ATP13A4: variants seen among roughly 807,000 people sequenced by gnomAD.
ATP13A4 encodes ATPase 13A4.
ATP13A4 carries 114 observed loss-of-function variants against 142.5 expected under a neutral mutation model. The ratio of observed to expected loss-of-function variants is 0.80; its 90% confidence interval spans 0.69 to 0.93. The LOEUF (loss-of-function observed/expected upper bound fraction) is 0.93. Ranked by LOEUF, ATP13A4 falls within the 40% of genes least tolerant of loss-of-function variation. The pLI is 0.00. For missense variants in ATP13A4, 1,392 were observed against 1,454.0 expected, an observed-to-expected ratio of 0.96 and a Z score of 0.69; for synonymous variants, 488 against 514.8, an observed-to-expected ratio of 0.95 and a Z score of 0.70.
intron 23 of ATP13A4, among the ~76,000 whole-genome samples, chr3:193,436,825 C>G (rs1310518265): frequency 2.0e-5 from 3 of 149,582 alleles, no homozygotes; most frequent in Admixed American, 1.3e-4. Flanking sequence ...ATCCCCGGGG[C>G]CGGGCGCGGT....
chr3:193,515,042 G>C (rs575922733), intron 1 of ATP13A4, among the ~76,000 whole-genome samples, 171 bp from the exon 2 acceptor site: 1 of 152,168 alleles, frequency 6.6e-6, no homozygotes, highest in East Asian at 1.9e-4. Flanking sequence ...ACAAAGAAGT[G>C]TAAGACATGA....
chr3:193,500,473 A>T (rs963576892), intron 3 of ATP13A4, among the ~76,000 whole-genome samples: 2 of 152,162 alleles, frequency 1.3e-5, no homozygotes, highest in East Asian at 3.9e-4. Context: ...GTGGAAGAGA[A>T]TTTTTTCACG....
At chr3:193,576,871 A>G (rs1256976437) in intron 2 of ATP13A4, among the ~76,000 whole-genome samples, 1 of 152,254 alleles carries the variant, frequency 6.6e-6, no homozygotes, top group Non-Finnish European at 1.5e-5. Context: ...CACTGCTGGA[A>G]TAAAGGAAGC....
At chr3:193,411,856 T>G (rs375907858) in intron 27 of ATP13A4, among the ~76,000 whole-genome samples, 133 of 152,284 alleles carry the variant, frequency 8.7e-4, no homozygotes, top group African/African-American at 3.1e-3. Context: ...CTCCACTGTT[T>G]CCAGGGTGAA....
chr3:193,436,973 G>T (rs1406056103), intron 23 of ATP13A4, among the ~76,000 whole-genome samples: 1 of 148,450 alleles, frequency 6.7e-6, no homozygotes, highest in Non-Finnish European at 1.5e-5. Context: ...GCGTGGTGGC[G>T]GGCGCCTGTA....
chr3:193,431,575 C>T (rs1413960341), intron 25 of ATP13A4, among the ~76,000 whole-genome samples: 1 of 151,428 alleles, frequency 6.6e-6, no homozygotes, highest in Non-Finnish European at 1.5e-5. Flanking sequence ...CATTTCTTTT[C>T]AGTAAAGTTA....
chr3:193,452,673 G>A (rs78258001), intron 17 of ATP13A4, among the ~76,000 whole-genome samples: 113 of 148,394 alleles, frequency 7.6e-4, no homozygotes, highest in African/African-American at 2.7e-3. Context: ...TATCCTACTG[G>A]ACATTCATGA....
chr3:193,459,294 A>G (rs1254280381), intron 13 of ATP13A4, 63 bp from the exon 14 acceptor site: 1 of 1,592,570 alleles, frequency 6.3e-7, no homozygotes, highest in East Asian at 2.2e-5. Flanking sequence ...AGCATCTTGG[A>G]GGTGAACAAA....
chr3:193,414,456 AGGG>A, intron 26 of ATP13A4, 120 bp downstream of exon 26: 1 of 1,085,900 alleles, frequency 9.2e-7, no homozygotes, highest in Non-Finnish European at 1.4e-6. Context: ...AATTTGCCCA[AGGG>A]ACTTTAAAAA....
intron 8 of ATP13A4, among the ~76,000 whole-genome samples, chr3:193,482,223 G>A (rs891982560): frequency 1.3e-5 from 2 of 151,708 alleles, no homozygotes; most frequent in African/African-American, 4.8e-5. Flanking sequence ...AACAGTATTG[G>A]AACATTTGGA....
chr3:193,470,778 G>A (rs970214772), intron 9 of ATP13A4, 81 bp downstream of exon 9: 54 of 1,597,188 alleles, frequency 3.4e-5, no homozygotes, highest in Non-Finnish European at 4.2e-5. Flanking sequence ...CATTCAGGTA[G>A]AGGAGGAGGC....
At chr3:193,533,735 T>A (rs777918789) in intron 1 of ATP13A4, among the ~76,000 whole-genome samples, 1 of 152,098 alleles carries the variant, frequency 6.6e-6, no homozygotes, top group Non-Finnish European at 1.5e-5. Context: ...AACGACCAAA[T>A]GGGGAACCTA....
chr3:193,405,797 C>A (rs575276904), intron 29 of ATP13A4, among the ~76,000 whole-genome samples: 2 of 152,118 alleles, frequency 1.3e-5, no homozygotes, highest in African/African-American at 4.8e-5. Context: ...GAAGAGGATA[C>A]TACTACAGCT....
rs143631909 is a variant in ATP13A4, at chr3:193,531,558, G to C, written c.61-16687C>G. ...CTCACTAGAATGTGAGCTCCTTGAGGCAGAAACAGAGCTGCATCTACTTTG... is the reference window on the plus strand; with the variant it reads ...CTCACTAGAATGTGAGCTCCTTGAGCCAGAAACAGAGCTGCATCTACTTTG... On this transcript the variant is annotated intron_variant, in intron 1 of 29. Transcript: ENST00000342695. Among the ~76,000 whole-genome samples the C allele has an allele frequency of 3.2e-3, 480 of 152,300 alleles. 2 individuals carry two copies. Among genetic ancestry groups the C allele is most frequent in the African/African-American group, 0.011 (441 of 41,560 alleles).
At chr3:193,443,085 T>A (rs1716748151) in intron 18 of ATP13A4, among the ~76,000 whole-genome samples, 3 of 152,270 alleles carry the variant, frequency 2.0e-5, no homozygotes, top group African/African-American at 7.2e-5. Context: ...CTTTTTCTCT[T>A]CCCTATTCCA....
intron 25 of ATP13A4, among the ~76,000 whole-genome samples, chr3:193,415,224 T>C (rs998738485): frequency 7.2e-5 from 11 of 152,218 alleles, no homozygotes; most frequent in Non-Finnish European, 1.0e-4. Flanking sequence ...ATGGTACATC[T>C]ATACAATGGA....
intron 1 of ATP13A4, among the ~76,000 whole-genome samples, chr3:193,554,106 T>C (rs1264911393): frequency 6.6e-6 from 1 of 152,226 alleles, no homozygotes; most frequent in African/African-American, 2.4e-5. Context: ...TTTCCTATAG[T>C]TCTCAAGATA....
intron 25 of ATP13A4, among the ~76,000 whole-genome samples, chr3:193,427,777 A>T (rs1465181733): frequency 6.6e-6 from 1 of 152,180 alleles, no homozygotes; most frequent in Non-Finnish European, 1.5e-5. Context: ...TACACCTTAT[A>T]CAAAAATTAA....
At chr3:193,443,485 T>C (rs552969015) in intron 18 of ATP13A4, among the ~76,000 whole-genome samples, 6 of 151,636 alleles carry the variant, frequency 4.0e-5, no homozygotes, top group South Asian at 2.1e-4. Flanking sequence ...ATAGAACTTA[T>C]GGTTGATTGC....
Sources: allele counts gnomAD v4.1 joint callset (sites outside exome capture counted in the v4.1 genomes callset), GRCh38; gene constraint gnomAD v4.1.1; transcripts MANE v1.5; gene names NCBI Gene and HGNC (gene_info 2026-07-23, HGNC 2026-07-21).